Variants in WWP2 observed in about 807,000 individuals in gnomAD.
WWP2 encodes NEDD4-like E3 ubiquitin-protein ligase WWP2.
WWP2 carries 57 observed loss-of-function variants against 121.0 expected under a neutral mutation model. The observed-to-expected ratio is 0.47, with a 90% CI of 0.38 to 0.59. The LOEUF (loss-of-function observed/expected upper bound fraction) is 0.59. Among genes scored for constraint, WWP2 ranks in the 20% least tolerant of loss-of-function variants. The pLI is 0.00. For missense variants in WWP2, 962 were observed against 1,158.9 expected (o/e 0.83, Z 2.47); for synonymous variants, 449 against 441.3 (o/e 1.02, Z -0.22).
intron 2 of WWP2, among the ~76,000 whole-genome samples, chr16:69,796,095 G>A (rs1433346660): frequency 2.0e-5 from 3 of 151,462 alleles, no homozygotes; most frequent in Non-Finnish European, 4.4e-5. Flanking sequence ...TTAAATATTA[G>A]TATTATAAAA....
chr16:69,867,140 CTTTT>C (rs11287046), intron 6 of WWP2, among the ~76,000 whole-genome samples: 2 of 132,606 alleles, frequency 1.5e-5, no homozygotes, highest in African/African-American at 5.5e-5. Context: ...CTGGCCAAGG[CTTTT>C]TTTTTTTTTT....
chr16:69,865,383 T>A (rs2057502363), intron 6 of WWP2, among the ~76,000 whole-genome samples: 1 of 152,156 alleles, frequency 6.6e-6, no homozygotes. Context: ...AATATTGGGG[T>A]TGTTTTCTGA....
chr16:69,878,853 G>A (rs2057778047), intron 7 of WWP2, among the ~76,000 whole-genome samples: 1 of 152,126 alleles, frequency 6.6e-6, no homozygotes, highest in Admixed American at 6.6e-5. Flanking sequence ...TTAAGACAAA[G>A]GATGTGAATT....
intron 8 of WWP2, among the ~76,000 whole-genome samples, chr16:69,902,829 G>A (rs140030827): frequency 7.6e-4 from 115 of 152,228 alleles, no homozygotes; most frequent in Middle Eastern, 3.4e-3. Context: ...GGAATCAGGA[G>A]GCTCGTCTGG....
At chr16:69,877,243 G>C (rs2057750022) in intron 7 of WWP2, among the ~76,000 whole-genome samples, 1 of 152,294 alleles carries the variant, frequency 6.6e-6, no homozygotes, top group African/African-American at 2.4e-5. Context: ...TTCTTCCTCA[G>C]CATTTTCTTC....
intron 4 of WWP2, among the ~76,000 whole-genome samples, chr16:69,822,537 GTGTGTGTGTGTGTT>G (rs1246709163): frequency 6.6e-6 from 1 of 152,070 alleles, no homozygotes. Flanking sequence ...GGTGGGGTGT[GTGTGTGTGTGTGTT>G]TGTGTGTGTG....
intron 6 of WWP2, among the ~76,000 whole-genome samples, chr16:69,857,206 C>T (rs1567383984): frequency 2.0e-5 from 3 of 151,830 alleles, no homozygotes; most frequent in Non-Finnish European, 2.9e-5. Context: ...GGGGTTCAAG[C>T]GATTCTCCTG....
At chr16:69,860,722 A>G (rs1217795842) in intron 6 of WWP2, among the ~76,000 whole-genome samples, 4 of 151,936 alleles carry the variant, frequency 2.6e-5, no homozygotes, top group Non-Finnish European at 5.9e-5. Context: ...CTTAGAAATA[A>G]TGCTCTACCC....
chr16:69,819,242 C>T (rs188496426), intron 4 of WWP2, among the ~76,000 whole-genome samples: 6 of 152,332 alleles, frequency 3.9e-5, no homozygotes, highest in Non-Finnish European at 8.8e-5. Flanking sequence ...TCCTATGGAA[C>T]GGTTCTGAAT....
intron 8 of WWP2, among the ~76,000 whole-genome samples, chr16:69,892,446 C>A (rs1355394616): frequency 6.6e-6 from 1 of 152,156 alleles, no homozygotes. Flanking sequence ...TCAAATCTGC[C>A]CACTTGGCTA....
intron 6 of WWP2, among the ~76,000 whole-genome samples, chr16:69,845,123 G>A (rs1031339652): frequency 1.3e-5 from 2 of 152,134 alleles, no homozygotes; most frequent in South Asian, 2.1e-4. Flanking sequence ...AAAACCTCTC[G>A]GATCCCCAGT....
chr16:69,792,914 C>T (rs1225820736), intron 2 of WWP2, among the ~76,000 whole-genome samples: 5 of 152,246 alleles, frequency 3.3e-5, no homozygotes, highest in African/African-American at 1.2e-4. Context: ...TTGTCTCGAA[C>T]TCCTGGGCTC....
chr16:69,813,692 C>T (rs2056438544), intron 4 of WWP2, among the ~76,000 whole-genome samples: 1 of 152,050 alleles, frequency 6.6e-6, no homozygotes, highest in Non-Finnish European at 1.5e-5. Flanking sequence ...TGGTCTTAAA[C>T]TTTTGGGCTC....
At chr16:69,872,221 C>CTTT (rs542156678) in intron 7 of WWP2, among the ~76,000 whole-genome samples, 1 of 146,448 alleles carries the variant, frequency 6.8e-6, no homozygotes, top group Admixed American at 6.8e-5. Context: ...AAAGAAATGT[C>CTTT]TTTTTTTTTT....
chr16:69,792,854 G>A (rs1168373794), intron 2 of WWP2, among the ~76,000 whole-genome samples: 1 of 152,048 alleles, frequency 6.6e-6, no homozygotes, highest in Non-Finnish European at 1.5e-5. Flanking sequence ...ACTACACCTG[G>A]CTAATATTTT....
chr16:69,803,072 A>G (rs2056204003), intron 4 of WWP2, among the ~76,000 whole-genome samples: 1 of 150,860 alleles, frequency 6.6e-6, no homozygotes, highest in Non-Finnish European at 1.5e-5. Context: ...CTTGGCATAT[A>G]TTGGATATTA....
chr16:69,777,342 C>G (rs1351826557), intron 1 of WWP2, among the ~76,000 whole-genome samples: 6 of 151,608 alleles, frequency 4.0e-5, no homozygotes, highest in Non-Finnish European at 8.8e-5. Context: ...ATTCTGTCAC[C>G]CAGGCTGGAG....
At chr16:69,842,541 C>A (rs2056999006) in intron 6 of WWP2, among the ~76,000 whole-genome samples, 1 of 152,118 alleles carries the variant, frequency 6.6e-6, no homozygotes, top group South Asian at 2.1e-4. Flanking sequence ...CATGTGTACT[C>A]AATGTTTAGC....
chr16:69,799,067 G>A lies in WWP2; in HGVS notation c.219-107G>A, dbSNP rs8062334. 0.011 allele frequency: 16,762 copies of A among 1,506,910 alleles called. 1,473 individuals are homozygous for A. In the African/African-American group the frequency reaches 0.2, roughly 18 times the overall value. The allele number at this position is 1,506,910 out of a possible 1,614,324, so 93.3% of individuals were successfully genotyped here. A position where few individuals can be genotyped will look rare whatever the true frequency, so the allele number is the denominator to read the frequency against. Reference sequence around the variant, plus strand: ...AAAGGATATATGTGGGTGTCTGCCTGTTTTGGTTCCCCCTCCCCAAGATGT... The same window carrying A: ...AAAGGATATATGTGGGTGTCTGCCTATTTTGGTTCCCCCTCCCCAAGATGT... On this transcript the variant is annotated intron_variant, in intron 3 of 23. Transcript: ENST00000359154. This position sits in a 1 kb window ranked among gnomAD's most constrained non-coding sequence, Gnocchi z 4.5.
Sources: allele counts gnomAD v4.1 joint callset (sites outside exome capture counted in the v4.1 genomes callset), GRCh38; gene constraint gnomAD v4.1.1; non-coding constraint Gnocchi (gnomAD v3.1); transcripts MANE v1.5; gene names NCBI Gene and HGNC (gene_info 2026-07-23, HGNC 2026-07-21).